Variants in KIF26B observed in about 807,000 individuals in gnomAD.
KIF26B encodes the protein kinesin-like protein KIF26B.
KIF26B carries 63 observed loss-of-function variants against 151.2 expected under a neutral mutation model. The observed-to-expected ratio is 0.42, with a 90% CI of 0.34 to 0.51. KIF26B has a LOEUF of 0.51. KIF26B is among the 20% of genes least tolerant of loss of function. KIF26B has a pLI of 0.07. For missense variants in KIF26B, 2,813 were observed against 2,913.6 expected (o/e 0.97, Z 0.79); for synonymous variants, 1,357 against 1,262.1 (o/e 1.08, Z -1.59).
At chr1:245,386,830 A>G (rs1156464438) in intron 3 of KIF26B, among the ~76,000 whole-genome samples, 1 of 152,222 alleles carries the variant, frequency 6.6e-6, no homozygotes, top group Non-Finnish European at 1.5e-5. Flanking sequence ...CTCAGTATTT[A>G]GTTCATTCAG....
At chr1:245,525,277 T>C (rs997479575) in intron 4 of KIF26B, among the ~76,000 whole-genome samples, 3 of 152,192 alleles carry the variant, frequency 2.0e-5, no homozygotes, top group Non-Finnish European at 2.9e-5. Context: ...AAGGCTCACG[T>C]AGGAAGTGAA....
At chr1:245,246,686 G>C (rs991213488) in intron 2 of KIF26B, among the ~76,000 whole-genome samples, 8 of 152,134 alleles carry the variant, frequency 5.3e-5, no homozygotes, top group African/African-American at 1.9e-4. Flanking sequence ...TCTGATTGAT[G>C]CCCATGCCAC....
rs369426552 is a variant in KIF26B at position 245,318,170 on chromosome 1, G to T, written c.466-48664G>T. Among the ~76,000 whole-genome samples the T allele has an allele frequency of 3.3e-5, 5 of 152,276 alleles. No homozygotes were observed. The East Asian group carries it at 9.7e-4, about 29-fold the overall frequency. ...ATCTAGGAGATCCCTAAGTATATTA[G>T]GTTTTAATTCTGGGTCAAATCAGCA... On this transcript the variant is annotated intron_variant, in intron 2 of 14. Coordinates refer to ENST00000407071, the MANE Select transcript of KIF26B (RefSeq NM_018012.4). This position sits in a 1 kb window ranked among gnomAD's most constrained non-coding sequence, Gnocchi z 4.0.
chr1:245,282,590 G>C (rs1050519479), intron 2 of KIF26B, among the ~76,000 whole-genome samples: 6 of 152,200 alleles, frequency 3.9e-5, no homozygotes, highest in African/African-American at 1.2e-4. Flanking sequence ...GGGAGGGCCA[G>C]CTTTTTCCAG....
Position 245,685,659 on chromosome 1 carries a change from C to G in KIF26B, c.2676C>G (p.Ile892Met). ...AGGGCCCCCCAGACTTTGTCCCTAT[C>G]GTGCCAGCCCTGCAGAAGACCCGGG... ...DNEGPPDFVP[I>M]VPALQKTRGD... Residue 892 changes from isoleucine (I) to methionine (M), a missense_variant, in exon 12 of 15, where the codon ATC becomes ATG. By Grantham distance (10) the Ile-to-Met change is conservative (BLOSUM62 1). This residue lies in a region of KIF26B where 2,060 missense variants were observed against 2,088.6 expected (regional missense o/e 0.99). Transcript: ENST00000407071. 1 of 1,613,184 alleles carries G rather than the reference C, an allele frequency of 6.2e-7. No individual in the cohort carries two copies. The highest frequency in any genetic ancestry group is 8.5e-7 in the Non-Finnish European group (1 of 1,179,794).
In KIF26B at chr1:245,367,476, C is replaced by A; in HGVS notation, c.999+109C>A. On this transcript the variant is annotated intron_variant, in intron 3 of 14. Transcript: ENST00000407071. The surrounding 1 kb of genome is among the most constrained non-coding windows in gnomAD (Gnocchi z 4.2). ...CTCCCGGGAACCCTGTAACTCAGAG[C>A]CCAGTGTTTCCATGTGGCCCCCACA... 9.6e-7 allele frequency: 1 copy of A among 1,040,206 alleles called. No homozygotes were observed. Among genetic ancestry groups the A allele is most frequent in the Non-Finnish European group, 1.4e-6 (1 of 732,910 alleles). The allele number at this position is 1,040,206 out of a possible 1,614,324, so 64.4% of individuals were successfully genotyped here.
At chr1:245,593,933 C>CT (rs2043315736) in intron 5 of KIF26B, among the ~76,000 whole-genome samples, 1 of 152,158 alleles carries the variant, frequency 6.6e-6, no homozygotes, top group Non-Finnish European at 1.5e-5. Flanking sequence ...TGATGATGAG[C>CT]TTTTTTTCAT....
chr1:245,304,064 A>G (rs993768653), intron 2 of KIF26B, among the ~76,000 whole-genome samples: 1 of 152,226 alleles, frequency 6.6e-6, no homozygotes, highest in African/African-American at 2.4e-5. Context: ...TTTTTACACT[A>G]AGGAAGAATA....
intron 10 of KIF26B, among the ~76,000 whole-genome samples, chr1:245,662,025 T>C (rs1345881022): frequency 1.4e-5 from 2 of 144,722 alleles, no homozygotes; most frequent in Admixed American, 7.0e-5. Context: ...CCCAATGATA[T>C]ATATATTACA....
chr1:245,678,871 A>G (rs568341155), intron 10 of KIF26B, among the ~76,000 whole-genome samples: 2 of 58,668 alleles, frequency 3.4e-5, no homozygotes, highest in Admixed American at 3.9e-4. Flanking sequence ...TCAAAAAAGA[A>G]AAAAAAAAAA....
intron 2 of KIF26B, among the ~76,000 whole-genome samples, chr1:245,261,438 G>A (rs975753753): frequency 6.7e-6 from 1 of 149,702 alleles, no homozygotes; most frequent in Non-Finnish European, 1.5e-5. Flanking sequence ...GCTTGTTCGC[G>A]CTCGCTTGCT....
In KIF26B at chr1:245,708,140, G is replaced by A. The variant is rs1205353584; in HGVS notation, c.*5534G>A. 1 of 152,264 alleles carries A rather than the reference G, an allele frequency of 6.6e-6. No homozygotes were observed. Among genetic ancestry groups the A allele is most frequent in the Non-Finnish European group, 1.5e-5 (1 of 68,066 alleles). The allele number at this position is 152,264 out of a possible 1,614,324, so 9.4% of individuals were successfully genotyped here. ...CCGCCAGGCCTGGTTGTTACTAGCT[G>A]TGCAACCTTGGGCGAGCCTCTTCGC... On this transcript the variant is annotated 3_prime_UTR_variant, in exon 15 of 15. Transcript: ENST00000407071.
At chr1:245,222,641 C>T (rs1669797278) in intron 2 of KIF26B, among the ~76,000 whole-genome samples, 1 of 152,072 alleles carries the variant, frequency 6.6e-6, no homozygotes, top group Non-Finnish European at 1.5e-5. Flanking sequence ...ATTACTTGTA[C>T]AAGAATATTC....
Position 245,244,492 on chromosome 1 carries a change from G to A in KIF26B, c.465+87809G>A, listed in dbSNP as rs1670276470. Among the ~76,000 whole-genome samples, 1 of 152,104 alleles carries A rather than the reference G, an allele frequency of 6.6e-6. No homozygotes were observed. The highest frequency in any genetic ancestry group is 2.4e-5 in the African/African-American group (1 of 41,422). On this transcript the variant is annotated intron_variant, in intron 2 of 14. Transcript: ENST00000407071. This position sits in a 1 kb window ranked among gnomAD's most constrained non-coding sequence, Gnocchi z 4.2. Reference sequence around the variant, plus strand: ...CACTCTAAGCTTCAGCTGCAGTTGGGAAAGACTTTTGCTGTAGACCAATTT... The same window carrying A: ...CACTCTAAGCTTCAGCTGCAGTTGGAAAAGACTTTTGCTGTAGACCAATTT...
chr1:245,527,544 T>TTTTTTC (rs1661265861), intron 4 of KIF26B, among the ~76,000 whole-genome samples: 1 of 127,696 alleles, frequency 7.8e-6, no homozygotes, highest in Non-Finnish European at 1.6e-5. Flanking sequence ...TTTTTTTTTT[T>TTTTTTC]TTTTTTTGAG....
intron 2 of KIF26B, among the ~76,000 whole-genome samples, chr1:245,291,970 A>C (rs994966640): frequency 6.6e-6 from 1 of 152,164 alleles, no homozygotes; most frequent in Non-Finnish European, 1.5e-5. Context: ...TGGGTGAGCC[A>C]AGGCACTTTC....
In KIF26B at chr1:245,419,702, G is replaced by A. The variant is rs937147286; in HGVS notation, c.1123G>A (p.Glu375Lys). ...PASQGSCVAS[E>K]TSTGTSVAAS... ...CTCGCAGGGCTCCTGCGTGGCCAGC[G>A]AGACTTCCACAGGCACATCGGTGGC... Residue 375 changes from glutamate (E) to lysine (K), a missense_variant, in exon 4 of 15, where the codon GAG becomes AAG. Transcript: ENST00000407071. The A allele has an allele frequency of 2.5e-6, 4 of 1,613,442 alleles. No individual in the cohort carries two copies. Among genetic ancestry groups the A allele is most frequent in the South Asian group, 2.2e-5 (2 of 91,012 alleles).
rs567508411 is a variant in KIF26B, at chr1:245,260,749, G to A, written c.465+104066G>A. Among the ~76,000 whole-genome samples, 3 of 152,246 alleles carry A rather than the reference G, an allele frequency of 2.0e-5. No individual in the cohort carries two copies. In the South Asian group the frequency reaches 6.2e-4, roughly 32 times the overall value. On this transcript the variant is annotated intron_variant, in intron 2 of 14. Coordinates refer to ENST00000407071, the MANE Select transcript of KIF26B (RefSeq NM_018012.4). Reference sequence around the variant, plus strand: ...ATTGTATTGGCATTCCCTTGTACTGGGCCTGGATGGGGTGGGTGCTCAACC... The same window carrying A: ...ATTGTATTGGCATTCCCTTGTACTGAGCCTGGATGGGGTGGGTGCTCAACC...
At chr1:245,414,667 G>C (rs1674374402) in intron 3 of KIF26B, among the ~76,000 whole-genome samples, 1 of 152,228 alleles carries the variant, frequency 6.6e-6, no homozygotes, top group South Asian at 2.1e-4. Flanking sequence ...TTGACCTCAA[G>C]ACTTGGCTAG....
Sources: allele counts gnomAD v4.1 joint callset (sites outside exome capture counted in the v4.1 genomes callset), GRCh38; gene constraint gnomAD v4.1.1; regional missense constraint gnomAD v4.1.1; non-coding constraint Gnocchi (gnomAD v3.1); transcripts MANE v1.5; gene names NCBI Gene and HGNC (gene_info 2026-07-23, HGNC 2026-07-21).